Variants in ARHGAP10 observed in about 807,000 individuals in gnomAD.
The protein encoded by ARHGAP10 is Rho GTPase activating protein 10, also known as rho GTPase-activating protein 10.
In ARHGAP10, 87 loss-of-function variants were observed where a neutral mutation model predicts 108.6. That is an observed-to-expected ratio of 0.80 (90% CI 0.67 to 0.96). The LOEUF is 0.96. Among genes scored for constraint, ARHGAP10 ranks in the 40% least tolerant of loss-of-function variants. ARHGAP10 has a pLI of 0.00. For synonymous variants in ARHGAP10, 347 were observed against 341.1 expected (o/e 1.02, Z -0.19); for missense variants, 939 against 954.5 (o/e 0.98, Z 0.21).
intron 18 of ARHGAP10, among the ~76,000 whole-genome samples, chr4:148,007,955 C>A (rs1328941919): frequency 6.6e-6 from 1 of 152,116 alleles, no homozygotes; most frequent in Non-Finnish European, 1.5e-5. Context: ...AAATGTAATG[C>A]CCTAGCATGT....
intron 10 of ARHGAP10, among the ~76,000 whole-genome samples, chr4:147,897,574 T>G (rs1337842410): frequency 1.3e-5 from 2 of 152,158 alleles, no homozygotes; most frequent in Non-Finnish European, 2.9e-5. Context: ...AACATGCATT[T>G]TAAAATAATC....
chr4:148,007,918 C>T (rs1306604369), intron 18 of ARHGAP10, among the ~76,000 whole-genome samples: 1 of 152,108 alleles, frequency 6.6e-6, no homozygotes, highest in Non-Finnish European at 1.5e-5. Flanking sequence ...ACTTCCGTTT[C>T]TCAGTAATTC....
intron 1 of ARHGAP10, among the ~76,000 whole-genome samples, chr4:147,768,655 T>C (rs1729931841): frequency 3.9e-5 from 6 of 152,184 alleles, no homozygotes; most frequent in Admixed American, 3.3e-4. Flanking sequence ...GTAGAAATTG[T>C]AGAAGCTGAA....
chr4:147,861,352 G>A (rs1189746114), intron 5 of ARHGAP10: 1 of 151,898 alleles, frequency 6.6e-6, no homozygotes, highest in African/African-American at 2.4e-5. Flanking sequence ...GAACCGCAGA[G>A]CCCCAAAGAG....
At chr4:147,855,642 T>A (rs780604654) in intron 4 of ARHGAP10, among the ~76,000 whole-genome samples, 4 of 151,978 alleles carry the variant, frequency 2.6e-5, no homozygotes, top group Non-Finnish European at 4.4e-5. Flanking sequence ...AAGTCCCTGA[T>A]CTTTTTGGTA....
At chr4:147,943,044 G>A (rs558259106) in intron 14 of ARHGAP10, among the ~76,000 whole-genome samples, 1 of 152,320 alleles carries the variant, frequency 6.6e-6, no homozygotes, top group South Asian at 2.1e-4. Flanking sequence ...TTGTCTTTAG[G>A]TGAGTCATGG....
chr4:147,960,933 A>G (rs1275767001), intron 16 of ARHGAP10, among the ~76,000 whole-genome samples: 1 of 152,218 alleles, frequency 6.6e-6, no homozygotes, highest in Non-Finnish European at 1.5e-5. Flanking sequence ...AGAAGCCACA[A>G]TAGATTTATC....
rs540944488 is a variant in ARHGAP10, at chr4:147,765,337, T to TGTGTG, written c.154+32883_154+32884insTGTGG. The stretch of plus-strand genomic sequence containing the variant: ...GTGTGTGCTGTGGTGTGTGTGTGTG[T>TGTGTG]GGGGGGGGGGGTGTGAGTGTGTGTA... On this transcript the variant is annotated intron_variant, in intron 1 of 22. Transcript: ENST00000336498. Among the ~76,000 whole-genome samples the TGTGTG allele has an allele frequency of 1.1e-3, 63 of 58,578 alleles. 2 individuals are homozygous for TGTGTG. Among genetic ancestry groups the TGTGTG allele is most frequent in the East Asian group, 1.9e-3 (3 of 1,560 alleles). The allele number at this position is 58,578 out of a possible 152,430, so 38.4% of individuals were successfully genotyped here. A position where few individuals can be genotyped will look rare whatever the true frequency, so the allele number is the denominator to read the frequency against.
At chr4:147,895,162 A>AT (rs955771863) in intron 10 of ARHGAP10, among the ~76,000 whole-genome samples, 121 of 147,058 alleles carry the variant, frequency 8.2e-4, no homozygotes, top group African/African-American at 1.5e-3. Flanking sequence ...AGTCATGGGC[A>AT]TTTTTTTTTT....
intron 3 of ARHGAP10, among the ~76,000 whole-genome samples, chr4:147,823,864 A>G (rs1321381244): frequency 6.6e-6 from 1 of 152,208 alleles, no homozygotes; most frequent in Non-Finnish European, 1.5e-5. Flanking sequence ...TCTCATTTGC[A>G]CTCAACTGTA....
chr4:147,871,417 T>C (rs1201895256), intron 7 of ARHGAP10, among the ~76,000 whole-genome samples: 2 of 152,198 alleles, frequency 1.3e-5, no homozygotes, highest in Admixed American at 1.3e-4. Context: ...TACAATGATA[T>C]GGTTTAGTTT....
At chr4:148,044,549 G>A (rs1728791713) in intron 19 of ARHGAP10, among the ~76,000 whole-genome samples, 1 of 152,160 alleles carries the variant, frequency 6.6e-6, no homozygotes, top group Admixed American at 6.5e-5. Flanking sequence ...ATGTCTAGCT[G>A]AGCACTGAGG....
chr4:147,845,517 T>C (rs1295015662), intron 3 of ARHGAP10, among the ~76,000 whole-genome samples: 1 of 152,240 alleles, frequency 6.6e-6, no homozygotes, highest in African/African-American at 2.4e-5. Flanking sequence ...GGTACTTTTA[T>C]TGCCATGTTG....
At chr4:148,043,766 G>A (rs865783437) in intron 19 of ARHGAP10, among the ~76,000 whole-genome samples, 1 of 141,640 alleles carries the variant, frequency 7.1e-6, no homozygotes, top group East Asian at 2.0e-4. Flanking sequence ...ATATATATGT[G>A]TATATATATG....
At chr4:147,961,262 T>C (rs533394922) in intron 16 of ARHGAP10, among the ~76,000 whole-genome samples, 1 of 152,350 alleles carries the variant, frequency 6.6e-6, no homozygotes, top group South Asian at 2.1e-4. Flanking sequence ...TATTACTCTT[T>C]CATTGTGTTG....
At chr4:148,059,340 T>A (rs911014448) in intron 20 of ARHGAP10, among the ~76,000 whole-genome samples, 1 of 152,178 alleles carries the variant, frequency 6.6e-6, no homozygotes, top group African/African-American at 2.4e-5. Flanking sequence ...AGGAAACTTG[T>A]GGCACTTAGG....
intron 16 of ARHGAP10, among the ~76,000 whole-genome samples, chr4:147,960,702 A>G (rs913917183): frequency 1.3e-5 from 2 of 152,236 alleles, no homozygotes; most frequent in South Asian, 2.1e-4. Flanking sequence ...AGATCAAGCA[A>G]TCAAACATCA....
chr4:148,051,948 G>C (rs1390462041), intron 20 of ARHGAP10, among the ~76,000 whole-genome samples: 1 of 152,120 alleles, frequency 6.6e-6, no homozygotes, highest in Non-Finnish European at 1.5e-5. Context: ...AGAGACAGCT[G>C]CTTGGCATTT....
intron 16 of ARHGAP10, among the ~76,000 whole-genome samples, chr4:147,959,115 G>A (rs1011018231): frequency 9.2e-5 from 14 of 151,964 alleles, no homozygotes; most frequent in African/African-American, 2.9e-4. Flanking sequence ...ACTTTTTTTG[G>A]AGTACCTTAA....
Sources: allele counts gnomAD v4.1 joint callset (sites outside exome capture counted in the v4.1 genomes callset), GRCh38; gene constraint gnomAD v4.1.1; transcripts MANE v1.5; gene names NCBI Gene and HGNC (gene_info 2026-07-23, HGNC 2026-07-21).